MCU: variants seen among roughly 807,000 people sequenced by gnomAD.
The protein encoded by MCU is mitochondrial calcium uniporter.
MCU carries 12 observed loss-of-function variants against 45.2 expected under a neutral mutation model. The ratio of observed to expected loss-of-function variants is 0.27; its 90% CI spans 0.17 to 0.43. The LOEUF is 0.43. Among genes scored for constraint, MCU ranks in the 20% least tolerant of loss-of-function variants. The probability of loss-of-function intolerance (pLI) is 1.00; values close to 1 mark genes in which losing one functional copy is unlikely to be tolerated. For synonymous variants in MCU, 160 were observed against 165.1 expected, an observed-to-expected ratio of 0.97 and a Z score of 0.24; for missense variants, 324 against 436.7, an observed-to-expected ratio of 0.74 and a Z score of 2.30.
chr10:72,882,990 G>T (rs931548033), intron 6 of MCU, among the ~76,000 whole-genome samples: 1 of 152,096 alleles, frequency 6.6e-6, no homozygotes. Context: ...AAGAACCTAC[G>T]TGACTATCAG....
chr10:72,727,925 A>G (rs1276041417), intron 1 of MCU, among the ~76,000 whole-genome samples: 1 of 149,322 alleles, frequency 6.7e-6, no homozygotes, highest in African/African-American at 2.5e-5. Flanking sequence ...TTTTAAGGAT[A>G]TTAGATAGCT....
intron 1 of MCU, among the ~76,000 whole-genome samples, chr10:72,781,857 GGA>G (rs1334535285): frequency 6.6e-6 from 1 of 152,088 alleles, no homozygotes; most frequent in Non-Finnish European, 1.5e-5. Flanking sequence ...TTTAGTGACA[GGA>G]TCTCTCTGGA....
intron 1 of MCU, among the ~76,000 whole-genome samples, chr10:72,830,909 A>C (rs1226047582): frequency 1.3e-5 from 2 of 152,202 alleles, no homozygotes; most frequent in Non-Finnish European, 2.9e-5. Context: ...AGCAGTATTC[A>C]ACACTGATTC....
Position 72,868,891 on chromosome 10 carries a change from C to T in MCU, c.657+28C>T, listed in dbSNP as rs1256779379. 2.5e-6 allele frequency: 4 copies of T among 1,605,196 alleles called. No individual in the cohort carries two copies. In the South Asian group the frequency reaches 3.3e-5, roughly 13 times the overall value. On this transcript the variant is annotated intron_variant, in intron 5 of 7. Coordinates refer to ENST00000373053, the MANE Select transcript of MCU (RefSeq NM_138357.3). Reference sequence around the variant, plus strand: ...AAAACTTCCAATCTCAGGTTTTTTACCTTAACCTGTATTTTTTCCAGAGCA... The same window carrying T: ...AAAACTTCCAATCTCAGGTTTTTTATCTTAACCTGTATTTTTTCCAGAGCA...
In MCU at chr10:72,779,564, T is replaced by A. The variant is rs192389540; in HGVS notation, c.151-54795T>A. Among the ~76,000 whole-genome samples the A allele has an allele frequency of 6.0e-3, 918 of 152,244 alleles. 11 individuals are homozygous for A. Among genetic ancestry groups the A allele is most frequent in the African/African-American group, 0.021 (852 of 41,532 alleles). On this transcript the variant is annotated intron_variant, in intron 1 of 7. Coordinates refer to ENST00000373053, the MANE Select transcript of MCU (RefSeq NM_138357.3). ...GAGGACTTGCATCCAGAATTTTTTT[T>A]AAAAAACCTCTCACAACCCAATAAT...
chr10:72,804,041 T>TAC (rs1844385248), intron 1 of MCU, among the ~76,000 whole-genome samples: 1 of 70,560 alleles, frequency 1.4e-5, no homozygotes. Context: ...TATATATATA[T>TAC]ATATATATAT....
At chr10:72,761,653 T>A (rs2121096) in intron 1 of MCU, among the ~76,000 whole-genome samples, 152,161 of 152,186 alleles carry the variant, frequency 1, 76,068 homozygotes, top group Middle Eastern at 1. Flanking sequence ...TTTCTTTTTT[T>A]AAAAGTATTT....
At chr10:72,742,533 T>C (rs564735168) in intron 1 of MCU, among the ~76,000 whole-genome samples, 1 of 152,328 alleles carries the variant, frequency 6.6e-6, no homozygotes, top group South Asian at 2.1e-4. Flanking sequence ...ATGATTCTTA[T>C]AACCATCGTT....
chr10:72,766,965 A>G (rs770883339), intron 1 of MCU: 2 of 152,094 alleles, frequency 1.3e-5, no homozygotes, highest in African/African-American at 4.8e-5. Context: ...ACGAATTTAA[A>G]CCTATTTTAA....
intron 1 of MCU, among the ~76,000 whole-genome samples, chr10:72,793,308 A>G: frequency 6.6e-6 from 1 of 152,214 alleles, no homozygotes; most frequent in East Asian, 1.9e-4. Context: ...GAAGCCAGAT[A>G]TTGAAACCAC....
intron 1 of MCU, among the ~76,000 whole-genome samples, chr10:72,826,939 T>C (rs940116618): frequency 3.9e-5 from 6 of 152,140 alleles, no homozygotes; most frequent in African/African-American, 1.4e-4. Flanking sequence ...TAACTTTTAT[T>C]ACAATATATT....
chr10:72,694,807 A>G (rs1303587335), intron 1 of MCU, among the ~76,000 whole-genome samples: 1 of 152,242 alleles, frequency 6.6e-6, no homozygotes, highest in Non-Finnish European at 1.5e-5. Flanking sequence ...TGAGAAATTC[A>G]TCTTTTCCAA....
At chr10:72,802,034 T>C (rs1163410594) in intron 1 of MCU, among the ~76,000 whole-genome samples, 1 of 152,152 alleles carries the variant, frequency 6.6e-6, no homozygotes, top group Non-Finnish European at 1.5e-5. Flanking sequence ...GCCACCTATG[T>C]GGTCTTTGAG....
chr10:72,708,889 C>G (rs145594292), intron 1 of MCU, among the ~76,000 whole-genome samples: 1 of 152,116 alleles, frequency 6.6e-6, no homozygotes, highest in Non-Finnish European at 1.5e-5. Context: ...CAGTGGCTCA[C>G]GTTTGTAATC....
At chr10:72,721,607 A>G (rs1176734254) in intron 1 of MCU, among the ~76,000 whole-genome samples, 1 of 152,158 alleles carries the variant, frequency 6.6e-6, no homozygotes, top group Non-Finnish European at 1.5e-5. Context: ...TTTTCTCCTG[A>G]ATATATACAG....
At chr10:72,818,841 C>CA (rs199955521) in intron 1 of MCU, among the ~76,000 whole-genome samples, 6,957 of 87,738 alleles carry the variant, frequency 0.079, 299 homozygotes, top group African/African-American at 0.15. Context: ...ACCTCTGTCT[C>CA]AAAAAAAAAA....
intron 1 of MCU, among the ~76,000 whole-genome samples, chr10:72,792,427 A>G (rs1411559925): frequency 1.3e-5 from 2 of 152,192 alleles, no homozygotes; most frequent in African/African-American, 4.8e-5. Context: ...AGAATGTTAA[A>G]CTGCTTCCTG....
chr10:72,782,296 C>G (rs1844006503), intron 1 of MCU, among the ~76,000 whole-genome samples: 1 of 152,154 alleles, frequency 6.6e-6, no homozygotes, highest in Admixed American at 6.5e-5. Context: ...CTTCTTCACC[C>G]TGTGCTTTTT....
Position 72,828,646 on chromosome 10 carries a change from TTAGGTA to T in MCU, c.151-5709_151-5704del, listed in dbSNP as rs375051971. Reference sequence around the variant, plus strand: ...GCTCTTTTGAACTATGAAAGATGAATTAGGTATAGTTGAATAATTTATGATCATAGT... The same window carrying T: ...GCTCTTTTGAACTATGAAAGATGAATTAGTTGAATAATTTATGATCATAGT... On this transcript the variant is annotated intron_variant, in intron 1 of 7. Coordinates refer to ENST00000373053, the MANE Select transcript of MCU (RefSeq NM_138357.3). Among the ~76,000 whole-genome samples the T allele has an allele frequency of 5.9e-3, 902 of 152,266 alleles. 11 individuals carry two copies. The highest frequency in any genetic ancestry group is 0.02 in the African/African-American group (850 of 41,560).
Sources: gnomAD v4.1 joint callset for allele counts (sites outside exome capture counted in the v4.1 genomes callset) on GRCh38, gnomAD v4.1.1 for gene constraint, MANE v1.5 for transcripts, NCBI Gene and HGNC (gene_info 2026-07-23, HGNC 2026-07-21) for gene names.